PDE4D: variants seen among roughly 807,000 people sequenced by gnomAD.
PDE4D encodes the protein phosphodiesterase 4D.
A neutral mutation model predicts 87.4 loss-of-function variants in PDE4D; 24 were observed. The ratio of observed to expected loss-of-function variants is 0.27; its 90% CI spans 0.20 to 0.39. PDE4D has a LOEUF of 0.39. Among genes scored for constraint, PDE4D ranks in the 10% least tolerant of loss-of-function variants. PDE4D has a pLI of 1.00. For synonymous variants in PDE4D, 384 were observed against 383.2 expected, an observed-to-expected ratio of 1.00 and a Z score of -0.02; for missense variants, 714 against 1,041.0, an observed-to-expected ratio of 0.69 and a Z score of 4.32.
chr5:60,003,925 G>C (rs902290202), intron 2 of PDE4D, among the ~76,000 whole-genome samples: 1 of 152,002 alleles, frequency 6.6e-6, no homozygotes, highest in Non-Finnish European at 1.5e-5. Context: ...ATATACAATG[G>C]GGAAATAATA....
chr5:60,339,535 T>C (rs1021770165), intron 1 of PDE4D, among the ~76,000 whole-genome samples: 1 of 152,166 alleles, frequency 6.6e-6, no homozygotes, highest in Non-Finnish European at 1.5e-5. Flanking sequence ...TCGGACACGG[T>C]TGACTGCAGG....
chr5:59,766,162 C>T (rs541107420), intron 1 of PDE4D, among the ~76,000 whole-genome samples: 1 of 152,282 alleles, frequency 6.6e-6, no homozygotes, highest in East Asian at 1.9e-4. Context: ...TCAAAAGATG[C>T]CTGTGGATAT....
intron 6 of PDE4D, among the ~76,000 whole-genome samples, chr5:59,014,051 G>A (rs1580295189): frequency 6.6e-6 from 1 of 152,202 alleles, no homozygotes; most frequent in East Asian, 1.9e-4. Flanking sequence ...AAAACCACAT[G>A]ATTATCTCAA....
intron 1 of PDE4D, among the ~76,000 whole-genome samples, chr5:59,630,065 G>C (rs1046346547): frequency 6.6e-6 from 1 of 152,134 alleles, no homozygotes; most frequent in Non-Finnish European, 1.5e-5. Flanking sequence ...TCTAGCAAAG[G>C]TGTCTTATTT....
intron 3 of PDE4D, among the ~76,000 whole-genome samples, chr5:59,974,866 T>C (rs1761142871): frequency 6.6e-6 from 1 of 152,096 alleles, no homozygotes; most frequent in Non-Finnish European, 1.5e-5. Context: ...GGATCCCTTT[T>C]CCCATGGCAA....
intron 11 of PDE4D, among the ~76,000 whole-genome samples, chr5:58,979,887 C>T (rs1744691593): frequency 6.6e-6 from 1 of 152,108 alleles, no homozygotes; most frequent in Admixed American, 6.6e-5. Flanking sequence ...GACTTAAGCC[C>T]CTACAAAATA....
intron 1 of PDE4D, chr5:59,768,741 C>A: frequency 1.0e-6 from 1 of 1,001,028 alleles, no homozygotes; most frequent in Non-Finnish European, 1.4e-6. Context: ...TGCCAAAGAT[C>A]ACTGACAAGC....
intron 1 of PDE4D, among the ~76,000 whole-genome samples, chr5:59,745,109 A>G (rs909394114): frequency 6.6e-6 from 1 of 152,164 alleles, no homozygotes; most frequent in Non-Finnish European, 1.5e-5. Context: ...TTCACATCTC[A>G]TGCTTTCTTC....
At chr5:59,254,299 A>ATATC in intron 1 of PDE4D, among the ~76,000 whole-genome samples, 1 of 152,198 alleles carries the variant, frequency 6.6e-6, no homozygotes, top group South Asian at 2.1e-4. Context: ...GTTCACTCAG[A>ATATC]TGTCTACCCT....
intron 5 of PDE4D, among the ~76,000 whole-genome samples, chr5:59,083,999 G>C (rs1204164222): frequency 6.6e-6 from 1 of 151,864 alleles, no homozygotes; most frequent in Non-Finnish European, 1.5e-5. Context: ...TTTTGGGGGG[G>C]ACTTGACAAG....
rs1217447165 is a variant in PDE4D at position 60,147,971 on chromosome 5, T to C, written c.42+37586A>G. On this transcript the variant is annotated intron_variant, in intron 2 of 16. Coordinates refer to the PDE4D transcript ENST00000502484. Reference sequence around the variant, plus strand: ...ACATCATAACTCCTCCTGAATTTTCTTGGCCACAGAGATCAACCCTGATAC... The same window carrying C: ...ACATCATAACTCCTCCTGAATTTTCCTGGCCACAGAGATCAACCCTGATAC... 3 of 308,126 alleles carry C rather than the reference T, an allele frequency of 9.7e-6. No individual in the cohort carries two copies. In the Admixed American group the frequency reaches 1.3e-4, roughly 13 times the overall value. The allele number at this position is 308,126 out of a possible 1,614,324, so 19.1% of individuals were successfully genotyped here.
chr5:59,592,932 T>C (rs570359609), intron 1 of PDE4D, among the ~76,000 whole-genome samples: 59 of 152,132 alleles, frequency 3.9e-4, no homozygotes, highest in Admixed American at 3.1e-3. Flanking sequence ...ATCCGTAGCA[T>C]GGAAGTAATA....
intron 1 of PDE4D, among the ~76,000 whole-genome samples, chr5:59,881,717 A>G (rs1255292262): frequency 6.6e-6 from 1 of 152,198 alleles, no homozygotes; most frequent in Non-Finnish European, 1.5e-5. Context: ...AAAAATTGAC[A>G]GAGTCATTAT....
intron 1 of PDE4D, among the ~76,000 whole-genome samples, chr5:59,765,323 A>C (rs986534416): frequency 6.6e-6 from 1 of 152,254 alleles, no homozygotes; most frequent in African/African-American, 2.4e-5. Context: ...GAGAGGTTCA[A>C]GGACTTGTTA....
chr5:59,345,967 C>T (rs1002629449), intron 1 of PDE4D, among the ~76,000 whole-genome samples: 1 of 152,084 alleles, frequency 6.6e-6, no homozygotes, highest in African/African-American at 2.4e-5. Context: ...AACTGGAATA[C>T]TTAACTATCC....
intron 3 of PDE4D, among the ~76,000 whole-genome samples, chr5:59,904,998 C>T (rs1395578880): frequency 1.3e-5 from 2 of 152,010 alleles, no homozygotes; most frequent in African/African-American, 4.8e-5. Flanking sequence ...TGCTTGCTTG[C>T]TCTGTCTTCT....
chr5:59,376,732 T>A (rs964944886), intron 1 of PDE4D, among the ~76,000 whole-genome samples: 7 of 152,066 alleles, frequency 4.6e-5, no homozygotes, highest in Admixed American at 3.9e-4. Flanking sequence ...GCTAAGGCAA[T>A]CCTCAGCAAA....
intron 1 of PDE4D, among the ~76,000 whole-genome samples, chr5:60,508,232 C>T (rs1750410587): frequency 6.6e-6 from 1 of 152,208 alleles, no homozygotes; most frequent in African/African-American, 2.4e-5. Flanking sequence ...CAGCCAAAAC[C>T]TTCTTTGACT....
intron 1 of PDE4D, among the ~76,000 whole-genome samples, chr5:59,457,790 G>A (rs1482100699): frequency 6.6e-6 from 1 of 152,230 alleles, no homozygotes; most frequent in Middle Eastern, 3.4e-3. Context: ...AGCTACTTTG[G>A]GAGGCTGAGG....
Sources: gnomAD v4.1 joint callset for allele counts (sites outside exome capture counted in the v4.1 genomes callset) on GRCh38, gnomAD v4.1.1 for gene constraint, MANE v1.5 for transcripts, NCBI Gene and HGNC (gene_info 2026-07-23, HGNC 2026-07-21) for gene names.